The following ZFC3H1 variants were observed in gnomAD, a reference collection of about 807,000 sequenced individuals.
ZFC3H1 encodes the protein zinc finger C3H1-type containing, also known as zinc finger C3H1 domain-containing protein.
A neutral mutation model predicts 243.7 loss-of-function variants in ZFC3H1; 71 were observed. The ratio of observed to expected loss-of-function variants is 0.29; its 90% CI spans 0.24 to 0.36. ZFC3H1 has a LOEUF of 0.36. Among genes scored for constraint, ZFC3H1 ranks in the 10% least tolerant of loss-of-function variants. The probability of loss-of-function intolerance (pLI) is 1.00; values close to 1 mark genes in which losing one functional copy is unlikely to be tolerated. For synonymous variants in ZFC3H1, 838 were observed against 813.0 expected, an observed-to-expected ratio of 1.03 and a Z score of -0.52; for missense variants, 1,966 against 2,317.1, an observed-to-expected ratio of 0.85 and a Z score of 3.11.
At position 71,611,871 on chromosome 12, in the gene ZFC3H1, A is replaced by G; in HGVS notation, c.5644T>C (p.Trp1882Arg). 8 of 1,601,616 alleles carry G rather than the reference A, an allele frequency of 5.0e-6. No homozygotes were observed. Among genetic ancestry groups the G allele is most frequent in the Non-Finnish European group, 6.8e-6 (8 of 1,172,652 alleles). Residue 1882 changes from tryptophan (W) to arginine (R), a missense_variant, in exon 32 of 35, where the codon TGG (tryptophan) becomes CGG (arginine). By Grantham distance (101) the Trp-to-Arg change is moderately radical. Around this residue, in one of 4 missense-constraint regions of ZFC3H1, gnomAD observed 1,383 missense variants for 1,723.7 expected, o/e 0.80. Coordinates refer to ENST00000378743, the MANE Select transcript of ZFC3H1 (RefSeq NM_144982.5). ...GLALRLLQHE[W>R]EESNVQILKL... ...AGAATCTGAACATTGCTTTCTTCCC[A>G]TTCATGTTGAAGTAACCTGTAAAGT...
chr12:71,623,649 G>C, intron 23 of ZFC3H1, 52 bp from the exon 24 acceptor site: 1 of 1,293,142 alleles, frequency 7.7e-7, no homozygotes, highest in South Asian at 1.4e-5. Flanking sequence ...GTCAGTACCA[G>C]ATTAACATAA....
chr12:71,642,528 T>G lies in ZFC3H1; in HGVS notation c.1535A>C (p.Asp512Ala). ...SSDPDLRRSLDKQPTDSGGGI... is the reference protein window; with the variant it reads ...SSDPDLRRSLAKQPTDSGGGI... ...TCCTCCACTATCAGTAGGTTGCTTATCTAAGGATCGCCTCAGGTCAGGATC... is the reference window on the plus strand; with the variant it reads ...TCCTCCACTATCAGTAGGTTGCTTAGCTAAGGATCGCCTCAGGTCAGGATC... The change falls in exon 6 of 35, where the codon GAT becomes GCT. Residue 512 changes from aspartate to alanine, a missense_variant. By Grantham distance (126) the Asp-to-Ala change is moderately radical. Transcript: ENST00000378743. The G allele has an allele frequency of 6.2e-7, 1 of 1,613,320 alleles. No individual in the cohort carries two copies.
rs761553462 is a variant in ZFC3H1, at chr12:71,627,940, T to TA, written c.3947-7dup. 86 of 1,599,486 alleles carry TA rather than the reference T, an allele frequency of 5.4e-5. No homozygotes were observed. Among genetic ancestry groups the TA allele is most frequent in the African/African-American group, 3.1e-4 (23 of 73,740 alleles). ...TTGGTTCTCTGGCTGGAAAGCTATT[T>TA]AAAAAAAAAGTATTATTAGCTTCAC... is the stretch of plus-strand genomic sequence containing the variant. On this transcript the variant is annotated splice_region_variant and splice_polypyrimidine_tract_variant and intron_variant, in intron 20 of 34. Coordinates refer to ENST00000378743, the MANE Select transcript of ZFC3H1 (RefSeq NM_144982.5).
At position 71,635,707 on chromosome 12, in the gene ZFC3H1, A is replaced by G. The variant is rs374515782; in HGVS notation, c.2101-127T>C. 539 of 827,642 alleles carry G rather than the reference A, an allele frequency of 6.5e-4. 4 individuals carry two copies. In the South Asian group the frequency reaches 0.015, roughly 23 times the overall value. The allele number at this position is 827,642 out of a possible 1,614,324, so 51.3% of individuals were successfully genotyped here. ...ATGGCTCCTTCTAGGGTTGTATTAC[A>G]TAATCCACTGAGTCGACCAATACTG... On this transcript the variant is annotated intron_variant, in intron 9 of 34. Coordinates refer to ENST00000378743, the MANE Select transcript of ZFC3H1 (RefSeq NM_144982.5).
intron 21 of ZFC3H1, among the ~76,000 whole-genome samples, chr12:71,626,648 AT>A (rs974183760): frequency 3.3e-5 from 5 of 152,284 alleles, no homozygotes; most frequent in South Asian, 2.1e-4. Flanking sequence ...AGACCCAACA[AT>A]TTTTTTAAGT....
Position 71,639,429 on chromosome 12 carries a change from G to C in ZFC3H1, c.1628-914C>G, listed in dbSNP as rs190948354. Reference sequence around the variant, plus strand: ...AGGTGGCAGAGAGAAGAGAGGCTATGTCTATGCTCAGTGTTCTGCCCCATG... The same window carrying C: ...AGGTGGCAGAGAGAAGAGAGGCTATCTCTATGCTCAGTGTTCTGCCCCATG... On this transcript the variant is annotated intron_variant, in intron 6 of 34. Coordinates refer to ENST00000378743, the MANE Select transcript of ZFC3H1 (RefSeq NM_144982.5). The C allele has an allele frequency of 3.6e-3, 872 of 244,156 alleles. 9 individuals carry two copies. The highest frequency in any genetic ancestry group is 3.3e-3 in the Non-Finnish European group (408 of 122,118). 15.1% of individuals were successfully genotyped at this position (244,156 alleles called of 1,614,324 possible).
At position 71,644,905 on chromosome 12, in the gene ZFC3H1, T is replaced by C. The variant is rs1341106387; in HGVS notation, c.1251A>G (p.Thr417=). 2 of 1,611,962 alleles carry C rather than the reference T, an allele frequency of 1.2e-6. No individual in the cohort carries two copies. The highest frequency in any genetic ancestry group is 2.7e-5 in the African/African-American group (2 of 74,924). ...VQQKVKTSTK[T]HSAKKVSTTA... ...TAGTGCTAACTTTTTTGGCCGAATG[T>C]GTTTTTGTACTTGTTTTAACTTTTT... The change falls in exon 4 of 35, where the codon ACA becomes ACG. Residue 417 remains threonine, a synonymous_variant. Coordinates refer to ENST00000378743, the MANE Select transcript of ZFC3H1 (RefSeq NM_144982.5).
At chr12:71,655,259 G>A (rs2137561319) in intron 2 of ZFC3H1, among the ~76,000 whole-genome samples, 1 of 152,152 alleles carries the variant, frequency 6.6e-6, no homozygotes, top group South Asian at 2.1e-4. Flanking sequence ...AAAAAATACT[G>A]CTAGACAACC....
At chr12:71,630,035 T>C (rs935427164) in intron 18 of ZFC3H1, among the ~76,000 whole-genome samples, 1 of 152,212 alleles carries the variant, frequency 6.6e-6, no homozygotes, top group African/African-American at 2.4e-5. Context: ...ACACCAAATT[T>C]AGTAATTATT....
At chr12:71,648,626 C>G (rs1435979369) in intron 2 of ZFC3H1, among the ~76,000 whole-genome samples, 1 of 152,200 alleles carries the variant, frequency 6.6e-6, no homozygotes, top group Non-Finnish European at 1.5e-5. Context: ...CCTAATTTGA[C>G]TGCTCAAGTG....
chr12:71,614,624 C>G lies in ZFC3H1; in HGVS notation c.5437G>C (p.Val1813Leu). The G allele has an allele frequency of 1.2e-6, 2 of 1,613,512 alleles. No homozygotes were observed. The highest frequency in any genetic ancestry group is 1.7e-6 in the Non-Finnish European group (2 of 1,179,666). Residue 1813 changes from valine to leucine, a missense_variant, in exon 30 of 35, where the codon GTG becomes CTG. This residue lies in a region of ZFC3H1 where 1,383 missense variants were observed against 1,723.7 expected (regional missense o/e 0.80). Coordinates refer to ENST00000378743, the MANE Select transcript of ZFC3H1 (RefSeq NM_144982.5). ...GGGACTGTAACCAAACATCTATTCA[C>G]TAAATCAGTAAAAAATTTGAATTCT... is the stretch of plus-strand genomic sequence containing the variant. Reference protein sequence around the residue: ...VQEFKFFTDLVNRCLVTVPAR... With the variant: ...VQEFKFFTDLLNRCLVTVPAR...
In ZFC3H1 at chr12:71,611,370, C is replaced by CA. The variant is rs932829090; in HGVS notation, c.5730-274dup. The CA allele has an allele frequency of 7.7e-3, 1,738 of 224,494 alleles. 5 individuals are homozygous for CA. The highest frequency in any genetic ancestry group is 0.015 in the African/African-American group (611 of 41,572). 13.9% of individuals were successfully genotyped at this position (224,494 alleles called of 1,614,324 possible). ...GAGAAAAAAAAAACAACAACAACAA[C>CA]AAAAAAAAAACACCTCATAATTACT... On this transcript the variant is annotated intron_variant, in intron 32 of 34. Coordinates refer to ENST00000378743, the MANE Select transcript of ZFC3H1 (RefSeq NM_144982.5).
At chr12:71,651,357 C>A (rs1298948747) in intron 2 of ZFC3H1, among the ~76,000 whole-genome samples, 1 of 152,204 alleles carries the variant, frequency 6.6e-6, no homozygotes. Flanking sequence ...TCCTCAATAA[C>A]CCTTTCCTAC....
Position 71,610,482 on chromosome 12 carries a change from G to A in ZFC3H1, c.5916C>T (p.Ser1972=). The A allele has an allele frequency of 6.2e-7, 1 of 1,613,584 alleles. No homozygotes were observed. Among genetic ancestry groups the A allele is most frequent in the Non-Finnish European group, 8.5e-7 (1 of 1,179,630 alleles). The part of the protein sequence containing the change: ...LVSKCQEIGV[S]LNELLNLNSN... ...TGTTTAAATTTAAGAGCTCATTTAG[G>A]CTGACTCCAATCTCTTGGCACTTGG... The change falls in exon 35 of 35, where the codon AGC becomes AGT. Residue 1972 remains serine, a synonymous_variant. Transcript: ENST00000378743.
intron 6 of ZFC3H1, among the ~76,000 whole-genome samples, chr12:71,641,513 G>A (rs1035021215): frequency 6.6e-6 from 1 of 152,196 alleles, no homozygotes; most frequent in Non-Finnish European, 1.5e-5. Context: ...TCAGTCTTAA[G>A]TGTTTTAAAT....
chr12:71,660,487 T>C (rs1881137913), intron 1 of ZFC3H1: 1 of 150,358 alleles, frequency 6.7e-6, no homozygotes, highest in South Asian at 2.1e-4. Context: ...GAAATCAAAG[T>C]CACACAAGCA....
chr12:71,625,438 T>C (rs1224739658), intron 22 of ZFC3H1, among the ~76,000 whole-genome samples: 1 of 152,278 alleles, frequency 6.6e-6, no homozygotes, highest in South Asian at 2.1e-4. Context: ...ACATCTATAG[T>C]CCCAGCACTT....
In ZFC3H1 at chr12:71,629,726, T is replaced by C; in HGVS notation, c.3725-16A>G. On this transcript the variant is annotated splice_polypyrimidine_tract_variant and intron_variant, in intron 18 of 34. Coordinates refer to ENST00000378743, the MANE Select transcript of ZFC3H1 (RefSeq NM_144982.5). ...ACATATTTTTCTGAAATAAGAGCAA[T>C]GCAATCTTCATGATAAATATCAATT... The C allele has an allele frequency of 2.8e-6, 4 of 1,448,092 alleles. No homozygotes were observed. Among genetic ancestry groups the C allele is most frequent in the Non-Finnish European group, 3.9e-6 (4 of 1,030,822 alleles). The allele number at this position is 1,448,092 out of a possible 1,614,324, so 89.7% of individuals were successfully genotyped here.
At position 71,644,870 on chromosome 12, in the gene ZFC3H1, T is replaced by C. The variant is rs1880688679; in HGVS notation, c.1279+7A>G. On this transcript the variant is annotated splice_region_variant and intron_variant, in intron 4 of 34. Transcript: ENST00000378743. The stretch of plus-strand genomic sequence containing the variant: ...CAAAAACACAAGAATTTAATAAAAA[T>C]GATCACCTGTAGTGCTAACTTTTTT... The C allele has an allele frequency of 6.3e-7, 1 of 1,587,470 alleles. No individual in the cohort carries two copies. The highest frequency in any genetic ancestry group is 8.5e-7 in the Non-Finnish European group (1 of 1,173,372).
Sources: gnomAD v4.1 joint callset for allele counts (sites outside exome capture counted in the v4.1 genomes callset) on GRCh38, gnomAD v4.1.1 for gene constraint, gnomAD v4.1.1 regional missense constraint, MANE v1.5 for transcripts, NCBI Gene and HGNC (gene_info 2026-07-23, HGNC 2026-07-21) for gene names.